Variants in SRSF7 observed in about 807,000 individuals in gnomAD.
SRSF7 encodes serine/arginine-rich splicing factor 7.
Under a neutral mutation model 42.2 loss-of-function variants are expected in SRSF7, and 15 were observed. That is an observed-to-expected ratio of 0.36 (90% CI 0.24 to 0.55). SRSF7 has a LOEUF of 0.55. Ranked by LOEUF, SRSF7 falls within the 20% of genes least tolerant of loss-of-function variation. The probability of loss-of-function intolerance (pLI) is 0.88; values close to 1 mark genes in which losing one functional copy is unlikely to be tolerated. For missense variants in SRSF7, 181 were observed against 305.9 expected (o/e 0.59, Z 3.04); for synonymous variants, 138 against 107.9 (o/e 1.28, Z -1.73).
In SRSF7 at chr2:38,744,653, C is replaced by T; in HGVS notation, c.*480G>A. On this transcript the variant is annotated 3_prime_UTR_variant, in exon 8 of 8. Transcript: ENST00000313117. ...GCTAACTTAAGGATCTGTCATGATG[C>T]ATTCAGGCTGTATCATAAGGGACTC... 6.3e-6 allele frequency: 1 copy of T among 157,618 alleles called. No homozygotes were observed. Among genetic ancestry groups the T allele is most frequent in the African/African-American group, 2.4e-5 (1 of 41,468 alleles). The allele number at this position is 157,618 out of a possible 1,614,324, so 9.8% of individuals were successfully genotyped here.
chr2:38,750,295 A>T, intron 1 of SRSF7, 101 bp from the exon 2 acceptor site: 1 of 1,079,688 alleles, frequency 9.3e-7, no homozygotes, highest in Non-Finnish European at 1.3e-6. Context: ...AGATTGGGTA[A>T]AGCACATTTA....
At position 38,748,091 on chromosome 2, in the gene SRSF7, G is replaced by A; in HGVS notation, c.528C>T (p.Leu176=). ...ISLRRSRSAS[L]RRSRSGSIKG... ...TTATAGAACCAGACCTAGATCTTCT[G>A]AGTGAAGCTGATCTTGATCTACGAA... The change falls in exon 5 of 8, where the codon CTC becomes CTT. Residue 176 remains leucine, a synonymous_variant. Transcript: ENST00000313117. The A allele has an allele frequency of 3.1e-6, 5 of 1,614,000 alleles. No homozygotes were observed. In the South Asian group the frequency reaches 4.4e-5, roughly 14 times the overall value.
intron 1 of SRSF7, chr2:38,751,002 T>C (rs923688052): frequency 1.4e-5 from 8 of 552,718 alleles, no homozygotes; most frequent in Middle Eastern, 7.3e-4. Context: ...TTAGGCTGGA[T>C]TGGGCCACAA....
chr2:38,748,435 G>A lies in SRSF7; in HGVS notation c.461+144C>T, dbSNP rs1667804792. On this transcript the variant is annotated intron_variant, in intron 4 of 7. Transcript: ENST00000313117. The stretch of plus-strand genomic sequence containing the variant: ...AACCCAAGAGATCATCAAGGCAGCA[G>A]TGAGTCGTGGTTATGCCCCTGTACT... 9.9e-6 allele frequency: 8 copies of A among 808,388 alleles called. No individual in the cohort carries two copies. The South Asian group carries it at 1.2e-4, about 12-fold the overall frequency. The allele number at this position is 808,388 out of a possible 1,614,324, so 50.1% of individuals were successfully genotyped here.
At chr2:38,751,425 T>C, upstream of SRSF7, 2 of 864,286 alleles carry the variant, frequency 2.3e-6, no homozygotes. Context: ...CGTCATCTCG[T>C]TGTTCTGCGC....
chr2:38,746,915 A>G (rs912832235), intron 5 of SRSF7, 168 bp from the exon 6 acceptor site: 2 of 1,141,426 alleles, frequency 1.8e-6, no homozygotes, highest in Middle Eastern at 2.0e-4. Flanking sequence ...GTTACCAGAC[A>G]TAAGGAACCC....
intron 7 of SRSF7, 51 bp from the exon 8 acceptor site, chr2:38,745,238 TCATGTA>T (rs748056069): frequency 6.3e-7 from 1 of 1,586,160 alleles, no homozygotes; most frequent in African/African-American, 1.3e-5. Flanking sequence ...ATTGAAACTC[TCATGTA>T]CATGTACTAA....
chr2:38,748,235 G>T, intron 4 of SRSF7, 78 bp from the exon 5 acceptor site: 1 of 1,082,778 alleles, frequency 9.2e-7, no homozygotes, highest in Admixed American at 2.1e-5. Context: ...GGGGAACGGT[G>T]CAGTGGCTCA....
In SRSF7 at chr2:38,743,694, C is replaced by G; in HGVS notation, c.*1439G>C. 6.6e-6 allele frequency: 1 copy of G among 152,608 alleles called. No individual in the cohort carries two copies. The highest frequency in any genetic ancestry group is 1.5e-5 in the Non-Finnish European group (1 of 68,038). The allele number at this position is 152,608 out of a possible 1,614,324, so 9.5% of individuals were successfully genotyped here. On this transcript the variant is annotated 3_prime_UTR_variant, in exon 8 of 8. Coordinates refer to ENST00000313117, the MANE Select transcript of SRSF7 (RefSeq NM_001031684.3). ...TAACCAAGTGCAACAGATAAATAAG[C>G]CTGCCAGTTATACACATAACTTTAT...
chr2:38,748,600 C>T lies in SRSF7; in HGVS notation c.440G>A (p.Arg147His). The part of the protein sequence containing the change: ...RSRGRRYSRS[R>H]SRSRGRRSRS... ...TCACCTTCGTCCCCTGCTCCTGCTG[C>T]GTGAGCGAGAGTATCGCCTTCCTCT... Residue 147 changes from arginine to histidine, a missense_variant, in exon 4 of 8, where the codon CGC becomes CAC. Coordinates refer to ENST00000313117, the MANE Select transcript of SRSF7 (RefSeq NM_001031684.3). The T allele has an allele frequency of 1.4e-5, 22 of 1,614,176 alleles. No homozygotes were observed. The highest frequency in any genetic ancestry group is 5.5e-5 in the South Asian group (5 of 91,086).
chr2:38,746,036 A>G, intron 7 of SRSF7, 108 bp downstream of exon 7: 1 of 1,120,488 alleles, frequency 8.9e-7, no homozygotes, highest in Non-Finnish European at 1.4e-6. Flanking sequence ...TTTAATCTAT[A>G]TAGCACCAAT....
chr2:38,750,957 A>C, intron 1 of SRSF7: 1 of 400,698 alleles, frequency 2.5e-6, no homozygotes, highest in Non-Finnish European at 4.7e-6. Flanking sequence ...CAGCTCCGAG[A>C]AAGGCAACGC....
In SRSF7 at chr2:38,744,779, A is replaced by G; in HGVS notation, c.*354T>C. ...ATAGAATAGTGATGTTCAAGACTTA[A>G]CCAACACCTTTCAATTCTGAATGTA... On this transcript the variant is annotated 3_prime_UTR_variant, in exon 8 of 8. Transcript: ENST00000313117. 24 of 214,392 alleles carry G rather than the reference A, an allele frequency of 1.1e-4. No homozygotes were observed. Among genetic ancestry groups the G allele is most frequent in the African/African-American group, 5.6e-4 (24 of 43,072 alleles). 13.3% of individuals were successfully genotyped at this position (214,392 alleles called of 1,614,324 possible). A position where few individuals can be genotyped will look rare whatever the true frequency, so the allele number is the denominator to read the frequency against.
chr2:38,750,254 T>G, intron 1 of SRSF7, 60 bp from the exon 2 acceptor site: 1 of 1,515,328 alleles, frequency 6.6e-7, no homozygotes, highest in Admixed American at 2.0e-5. Flanking sequence ...AAGTTTCAAT[T>G]ACTTATTTGC....
At chr2:38,750,342 T>G in intron 1 of SRSF7, 148 bp from the exon 2 acceptor site, 1 of 642,040 alleles carries the variant, frequency 1.6e-6, no homozygotes. Flanking sequence ...GTCGTAAAAC[T>G]GGTGAAAGTC....
chr2:38,750,255 A>C, intron 1 of SRSF7, 61 bp from the exon 2 acceptor site: 1 of 1,507,650 alleles, frequency 6.6e-7, no homozygotes, highest in Non-Finnish European at 9.0e-7. Flanking sequence ...AGTTTCAATT[A>C]CTTATTTGCC....
At chr2:38,746,807 T>C in intron 5 of SRSF7, 60 bp from the exon 6 acceptor site, 1 of 1,603,418 alleles carries the variant, frequency 6.2e-7, no homozygotes, top group South Asian at 1.1e-5. Flanking sequence ...TTTCCTTAAC[T>C]ACTCAACACT....
At chr2:38,748,007 A>T in intron 5 of SRSF7, 40 bp downstream of exon 5, 1 of 1,446,388 alleles carries the variant, frequency 6.9e-7, no homozygotes, top group Non-Finnish European at 9.7e-7. Context: ...ATAAGATGTG[A>T]ACAATCCAAA....
intron 3 of SRSF7, 71 bp downstream of exon 3, chr2:38,749,458 T>G: frequency 6.5e-7 from 1 of 1,548,854 alleles, no homozygotes; most frequent in East Asian, 2.3e-5. Flanking sequence ...AAAACACTAG[T>G]TTCTGCCTTG....
Sources: allele counts gnomAD v4.1 joint callset, GRCh38; gene constraint gnomAD v4.1.1; transcripts MANE v1.5; gene names NCBI Gene and HGNC (gene_info 2026-07-23, HGNC 2026-07-21).